Variants in DMD observed in about 807,000 individuals in gnomAD.
DMD encodes dystrophin.
Under a neutral mutation model 330.1 loss-of-function variants are expected in DMD, and 63 were observed. The observed-to-expected ratio is 0.19, with a 90% CI of 0.16 to 0.24. The LOEUF is 0.24. DMD is among the 10% of genes least tolerant of loss of function. The pLI, the probability that DMD is intolerant of heterozygous loss-of-function variation, is 1.00. For synonymous variants in DMD, 1,223 were observed against 959.8 expected (o/e 1.27, Z -5.07); for missense variants, 3,344 against 2,684.1 (o/e 1.25, Z -5.43).
chrX:32,700,575 A>G (rs982128608), intron 7 of DMD, among the ~76,000 whole-genome samples: 58 of 111,831 alleles, frequency 5.2e-4, no homozygotes, highest in African/African-American at 1.9e-3. Context: ...AAACATGCTA[A>G]GCATATGAAG....
intron 25 of DMD, among the ~76,000 whole-genome samples, chrX:32,458,376 C>A (rs924868752): frequency 1.8e-5 from 2 of 111,752 alleles, no homozygotes; most frequent in African/African-American, 6.5e-5. Context: ...TATGCATATA[C>A]CATGTTTTAT....
chrX:32,748,471 C>A (rs2070373589), intron 7 of DMD, among the ~76,000 whole-genome samples: 1 of 111,235 alleles, frequency 9.0e-6, no homozygotes, highest in Non-Finnish European at 1.9e-5. Context: ...CATTAAGTAC[C>A]ATAGCCAGCT....
At chrX:31,456,842 G>A (rs1156655650) in intron 59 of DMD, among the ~76,000 whole-genome samples, 1 of 91,619 alleles carries the variant, frequency 1.1e-5, no homozygotes, top group East Asian at 3.5e-4. Context: ...ATATATGTGT[G>A]TGTGTGTGTG....
At chrX:31,432,729 G>T (rs755150406) in intron 60 of DMD, among the ~76,000 whole-genome samples, 1 of 112,103 alleles carries the variant, frequency 8.9e-6, no homozygotes, top group African/African-American at 3.2e-5. Flanking sequence ...CTATCATGTG[G>T]TGTCTTTGTA....
intron 2 of DMD, among the ~76,000 whole-genome samples, chrX:33,006,482 A>G (rs143167302): frequency 1.8e-3 from 197 of 112,088 alleles, no homozygotes; most frequent in African/African-American, 6.0e-3. Context: ...TGGCAATAGA[A>G]TGGAGCAAAG....
intron 6 of DMD, among the ~76,000 whole-genome samples, chrX:32,814,686 A>G (rs1412068595): frequency 8.9e-6 from 1 of 111,788 alleles, no homozygotes; most frequent in East Asian, 2.8e-4. Context: ...ATTTTGACAG[A>G]GAAAGAGTGG....
chrX:32,629,051 A>T (rs1403750382), intron 11 of DMD, among the ~76,000 whole-genome samples: 1 of 111,808 alleles, frequency 8.9e-6, no homozygotes, highest in Non-Finnish European at 1.9e-5. Context: ...CTGCATAATA[A>T]GTCTGATGTT....
rs2059701042 is a variant in DMD, at chrX:32,645,123, A to C, written c.990T>G (p.Phe330Leu). Residue 330 changes from phenylalanine (F) to leucine (L), a missense_variant, in exon 10 of 79, where the codon TTT becomes TTG. Transcript: ENST00000357033. ...QHLEAPEDKS[F>L]GSSLMESEVN... is the part of the protein sequence containing the mutation. Reference sequence around the variant, plus strand: ...CTTCACTCTCCATCAATGAACTGCCAAATGACTTGTCTTCAGGAGCTTCCA... The same window carrying C: ...CTTCACTCTCCATCAATGAACTGCCCAATGACTTGTCTTCAGGAGCTTCCA... 2 of 1,210,021 alleles carry C rather than the reference A, an allele frequency of 1.7e-6. No individual in the cohort carries two copies. The highest frequency in any genetic ancestry group is 2.2e-5 in the Admixed American group (1 of 45,689).
intron 9 of DMD, among the ~76,000 whole-genome samples, chrX:32,652,572 T>A: frequency 9.0e-6 from 1 of 110,649 alleles, no homozygotes; most frequent in Non-Finnish European, 1.9e-5. Context: ...GTCTTTGCTA[T>A]TGTGAATAGT....
chrX:31,855,862 G>T (rs945029896), intron 48 of DMD, among the ~76,000 whole-genome samples: 3 of 111,825 alleles, frequency 2.7e-5, no homozygotes, highest in Non-Finnish European at 5.6e-5. Flanking sequence ...CCAATTCCTG[G>T]TTTACTCAAT....
intron 9 of DMD, among the ~76,000 whole-genome samples, chrX:32,686,773 C>A (rs1442234509): frequency 9.1e-6 from 1 of 109,437 alleles, no homozygotes; most frequent in African/African-American, 3.3e-5. Context: ...AAAATTAATG[C>A]AAAAAAGAAA....
intron 44 of DMD, among the ~76,000 whole-genome samples, chrX:32,067,861 G>C (rs1369799996): frequency 2.7e-5 from 3 of 111,776 alleles, no homozygotes; most frequent in Non-Finnish European, 5.7e-5. Context: ...TTTTCTTTTG[G>C]ATATCTACTC....
intron 45 of DMD, among the ~76,000 whole-genome samples, chrX:31,956,549 G>C (rs959922911): frequency 4.5e-5 from 5 of 111,808 alleles, no homozygotes; most frequent in Admixed American, 2.8e-4. Context: ...TAGTGACTTG[G>C]AAGATAAGAT....
At chrX:31,338,956 A>C (rs911878675) in intron 61 of DMD, among the ~76,000 whole-genome samples, 6 of 109,543 alleles carry the variant, frequency 5.5e-5, no homozygotes, top group Non-Finnish European at 9.5e-5. Context: ...AAAAAAAAAA[A>C]AAAAAAAAAC....
At chrX:32,391,784 G>T (rs746291344) in intron 30 of DMD, among the ~76,000 whole-genome samples, 1 of 111,676 alleles carries the variant, frequency 9.0e-6, no homozygotes, top group African/African-American at 3.3e-5. Flanking sequence ...AGTGATGCTT[G>T]TACGGAGGAT....
intron 9 of DMD, among the ~76,000 whole-genome samples, chrX:32,659,924 T>C (rs1348020979): frequency 9.0e-6 from 1 of 111,014 alleles, no homozygotes; most frequent in Non-Finnish European, 1.9e-5. Context: ...GTATTAATTC[T>C]TGGGAAGACT....
chrX:33,324,260 T>A (rs1603430531), intron 1 of DMD, among the ~76,000 whole-genome samples: 1 of 110,842 alleles, frequency 9.0e-6, no homozygotes, highest in East Asian at 2.9e-4. Flanking sequence ...GTGAGTTTCA[T>A]GAGCATGTCA....
intron 1 of DMD, among the ~76,000 whole-genome samples, chrX:33,254,048 TAAAC>T (rs1281691442): frequency 9.0e-6 from 1 of 111,091 alleles, no homozygotes; most frequent in Admixed American, 9.7e-5. Flanking sequence ...TATTATTTTG[TAAAC>T]AGTTAGCAGA....
intron 1 of DMD, among the ~76,000 whole-genome samples, chrX:33,301,620 G>C (rs1471988663): frequency 8.9e-6 from 1 of 111,947 alleles, no homozygotes; most frequent in African/African-American, 3.2e-5. Flanking sequence ...CTGTAGGCTG[G>C]TGAGGTGTCT....
Sources: gnomAD v4.1 joint callset for allele counts (sites outside exome capture counted in the v4.1 genomes callset) on GRCh38, gnomAD v4.1.1 for gene constraint, MANE v1.5 for transcripts, NCBI Gene and HGNC (gene_info 2026-07-23, HGNC 2026-07-21) for gene names.